The following UGT2A2 variants were observed in gnomAD, a reference collection of about 807,000 sequenced individuals.
The protein encoded by UGT2A2 is UDP-glucuronosyltransferase 2A2.
A neutral mutation model predicts 50.7 loss-of-function variants in UGT2A2; 60 were observed. That is an observed-to-expected ratio of 1.18 (90% CI 0.96 to 1.47). The LOEUF (loss-of-function observed/expected upper bound fraction) is 1.47, where lower values mean the gene tolerates loss of function less well. Among genes scored for constraint, UGT2A2 ranks in the 40% most tolerant of loss-of-function variants. UGT2A2 has a pLI of 0.00. For missense variants in UGT2A2, 762 were observed against 634.0 expected (o/e 1.20, Z -2.17); for synonymous variants, 242 against 214.6 (o/e 1.13, Z -1.11).
chr4:69,630,791 C>T (rs755752588), intron 1 of UGT2A2, among the ~76,000 whole-genome samples: 4 of 152,098 alleles, frequency 2.6e-5, no homozygotes, highest in South Asian at 2.1e-4. Flanking sequence ...GCAATTCTAC[C>T]GCTGGAGGAA....
intron 1 of UGT2A2, among the ~76,000 whole-genome samples, chr4:69,602,787 T>A (rs1337283156): frequency 7.3e-6 from 1 of 137,398 alleles, no homozygotes; most frequent in Non-Finnish European, 1.6e-5. Context: ...GATAAGAAGA[T>A]CAAAATTCAT....
At chr4:69,600,105 T>C (rs888518459) in intron 1 of UGT2A2, among the ~76,000 whole-genome samples, 25 of 152,156 alleles carry the variant, frequency 1.6e-4, no homozygotes, top group Non-Finnish European at 2.6e-4. Context: ...CAGCCTATCC[T>C]GTGAGCCAGG....
At chr4:69,590,538 G>A (rs947463246) in intron 5 of UGT2A2, among the ~76,000 whole-genome samples, 1 of 152,070 alleles carries the variant, frequency 6.6e-6, no homozygotes, top group African/African-American at 2.4e-5. Context: ...CCCGGTGTTG[G>A]CAGGACATTG....
At position 69,639,591 on chromosome 4, in the gene UGT2A2, A is replaced by G. The variant is rs1721938561; in HGVS notation, c.50T>C (p.Leu17Pro). Reference protein sequence around the residue: ...FTMPKKFVQMLVFNLTLTEVV... With the variant: ...FTMPKKFVQMPVFNLTLTEVV... ...TTCAGTCAGAGTCAAATTAAAAACCAGCATCTGGACAAACTTCTTAGGCAT... is the reference window on the plus strand; with the variant it reads ...TTCAGTCAGAGTCAAATTAAAAACCGGCATCTGGACAAACTTCTTAGGCAT... Residue 17 changes from leucine to proline, a missense_variant, in exon 1 of 6, where the codon CTG becomes CCG. Leu to Pro is a moderately conservative substitution (Grantham distance 98). Transcript: ENST00000604629. 1.9e-6 allele frequency: 3 copies of G among 1,609,470 alleles called. No homozygotes were observed. Among genetic ancestry groups the G allele is most frequent in the South Asian group, 1.1e-5 (1 of 90,126 alleles).
intron 1 of UGT2A2, among the ~76,000 whole-genome samples, chr4:69,613,940 A>C (rs1720216800): frequency 6.6e-6 from 1 of 152,036 alleles, no homozygotes; most frequent in South Asian, 2.1e-4. Flanking sequence ...GTGCTTTCAC[A>C]ACTTTTACTT....
chr4:69,634,251 CAAACAAAACA>C (rs144302533), intron 1 of UGT2A2, among the ~76,000 whole-genome samples: 39,206 of 151,278 alleles, frequency 0.26, 5,483 homozygotes, highest in African/African-American at 0.33. Context: ...TCTCAAAAAT[CAAACAAAACA>C]AAACAAAACA....
chr4:69,631,169 G>A (rs1281396645), intron 1 of UGT2A2, among the ~76,000 whole-genome samples: 1 of 152,084 alleles, frequency 6.6e-6, no homozygotes, highest in Non-Finnish European at 1.5e-5. Flanking sequence ...TAGAAAAGCA[G>A]AGAGCTAGGG....
intron 1 of UGT2A2, among the ~76,000 whole-genome samples, chr4:69,617,362 C>A (rs371596980): frequency 2.0e-5 from 3 of 151,744 alleles, no homozygotes; most frequent in African/African-American, 4.8e-5. Context: ...ATTTTGTTGA[C>A]GGCGTAAAAA....
At chr4:69,607,882 AC>A (rs1169861737) in intron 1 of UGT2A2, among the ~76,000 whole-genome samples, 1 of 152,210 alleles carries the variant, frequency 6.6e-6, no homozygotes, top group Non-Finnish European at 1.5e-5. Context: ...ACCATCTCAC[AC>A]CAGTTAGAAT....
rs199765285 is a variant in UGT2A2 at position 69,589,548 on chromosome 4, C to G, written c.1435G>C (p.Gly479Arg). The G allele has an allele frequency of 6.2e-7, 1 of 1,614,062 alleles. No homozygotes were observed. The highest frequency in any genetic ancestry group is 8.5e-7 in the Non-Finnish European group (1 of 1,179,966). The change falls in exon 6 of 6, where the codon GGA becomes CGA. Residue 479 changes from glycine (G) to arginine (R), a missense_variant. Physicochemically the swap from Gly to Arg is moderately radical, Grantham distance 125. Transcript: ENST00000604629. The stretch of plus-strand genomic sequence containing the variant: ...GCTGCAACCCGAAGGTGCTTGGCTC[C>G]TTTGTGGCGCATGACAAACTCGATC... ...FWIEFVMRHKGAKHLRVAAHD... is the reference protein window; with the variant it reads ...FWIEFVMRHKRAKHLRVAAHD...
At chr4:69,606,592 G>T (rs528609591) in intron 1 of UGT2A2, among the ~76,000 whole-genome samples, 1 of 136,240 alleles carries the variant, frequency 7.3e-6, no homozygotes, top group African/African-American at 3.0e-5. Flanking sequence ...GCAGGAGAAG[G>T]AAATAAAGGG....
intron 2 of UGT2A2, among the ~76,000 whole-genome samples, chr4:69,597,466 T>C (rs564462272): frequency 6.6e-6 from 1 of 152,298 alleles, no homozygotes; most frequent in Non-Finnish European, 1.5e-5. Flanking sequence ...TTTCACATCA[T>C]ATCTATATGA....
At chr4:69,609,769 G>A (rs972558453) in intron 1 of UGT2A2, among the ~76,000 whole-genome samples, 5 of 152,066 alleles carry the variant, frequency 3.3e-5, no homozygotes, top group Admixed American at 6.6e-5. Context: ...TTCTGGAACA[G>A]GAGACACATA....
At chr4:69,594,120 G>A (rs901429911) in intron 5 of UGT2A2, among the ~76,000 whole-genome samples, 1 of 151,410 alleles carries the variant, frequency 6.6e-6, no homozygotes, top group Admixed American at 6.6e-5. Flanking sequence ...GACTACAGGC[G>A]CCCACTATCA....
intron 2 of UGT2A2, among the ~76,000 whole-genome samples, chr4:69,596,612 C>G (rs1718951022): frequency 6.6e-6 from 1 of 152,130 alleles, no homozygotes; most frequent in African/African-American, 2.4e-5. Flanking sequence ...AACCTCACCT[C>G]CCCGGTTCAA....
intron 1 of UGT2A2, among the ~76,000 whole-genome samples, chr4:69,626,839 C>T (rs1721087973): frequency 6.6e-6 from 1 of 151,640 alleles, no homozygotes; most frequent in Non-Finnish European, 1.5e-5. Flanking sequence ...TTTTGCTTCT[C>T]AAATTGTCCC....
At chr4:69,608,782 G>T (rs1051739994) in intron 1 of UGT2A2, among the ~76,000 whole-genome samples, 1 of 151,906 alleles carries the variant, frequency 6.6e-6, no homozygotes, top group African/African-American at 2.4e-5. Flanking sequence ...TGCAACCTCT[G>T]CCTCCTGGGT....
At chr4:69,634,849 T>A (rs1229275181) in intron 1 of UGT2A2, among the ~76,000 whole-genome samples, 1 of 152,198 alleles carries the variant, frequency 6.6e-6, no homozygotes, top group Non-Finnish European at 1.5e-5. Context: ...CACTGACATC[T>A]AGAATGAGAC....
At chr4:69,626,564 C>T (rs2109946593) in intron 1 of UGT2A2, among the ~76,000 whole-genome samples, 1 of 151,608 alleles carries the variant, frequency 6.6e-6, no homozygotes, top group South Asian at 2.1e-4. Context: ...GATTATTCAT[C>T]CATCAAGCCT....
Sources: gnomAD v4.1 joint callset for allele counts (sites outside exome capture counted in the v4.1 genomes callset) on GRCh38, gnomAD v4.1.1 for gene constraint, MANE v1.5 for transcripts, NCBI Gene and HGNC (gene_info 2026-07-23, HGNC 2026-07-21) for gene names.